The following SMYD3 variants were observed in gnomAD, a reference collection of about 807,000 sequenced individuals.
SMYD3 encodes the protein SET and MYND domain containing 3, also known as histone-lysine N-methyltransferase SMYD3.
SMYD3 carries 36 observed loss-of-function variants against 57.7 expected under a neutral mutation model. The observed-to-expected ratio is 0.62, with a 90% CI of 0.48 to 0.82. SMYD3 has a LOEUF of 0.82. SMYD3 is among the 40% of genes least tolerant of loss of function. The pLI, the probability that SMYD3 is intolerant of heterozygous loss-of-function variation, is 0.00. For synonymous variants in SMYD3, 211 were observed against 195.0 expected, an observed-to-expected ratio of 1.08 and a Z score of -0.68; for missense variants, 515 against 538.8, an observed-to-expected ratio of 0.96 and a Z score of 0.44.
intron 5 of SMYD3, among the ~76,000 whole-genome samples, chr1:246,208,895 T>C (rs2063042204): frequency 6.6e-6 from 1 of 152,166 alleles, no homozygotes; most frequent in Admixed American, 6.5e-5. Flanking sequence ...CACTCAAGCA[T>C]AATTCATTTT....
At chr1:245,838,375 G>T (rs2050207265) in intron 10 of SMYD3, among the ~76,000 whole-genome samples, 2 of 152,192 alleles carry the variant, frequency 1.3e-5, no homozygotes, top group Admixed American at 1.3e-4. Context: ...TCAGTTGGAA[G>T]CCACACCTTC....
chr1:246,112,185 T>C (rs1228034263), intron 5 of SMYD3, among the ~76,000 whole-genome samples: 1 of 152,208 alleles, frequency 6.6e-6, no homozygotes, highest in Non-Finnish European at 1.5e-5. Context: ...GAAGGCTGTA[T>C]TGCATATTGT....
chr1:245,888,830 T>A lies in SMYD3; in HGVS notation c.814-24944A>T, dbSNP rs191764418. Among the ~76,000 whole-genome samples, 193 of 152,286 alleles carry A rather than the reference T, an allele frequency of 1.3e-3. 1 individual carries two copies. Among genetic ancestry groups the A allele is most frequent in the African/African-American group, 4.2e-3 (176 of 41,568 alleles). On this transcript the variant is annotated intron_variant, in intron 8 of 11. Coordinates refer to ENST00000490107, the MANE Select transcript of SMYD3 (RefSeq NM_001167740.2). ...AGTGAAGAAATGCATGTGTTCTACA[T>A]CAACCATGTCTACCTGAAGCCCAAC...
intron 1 of SMYD3, among the ~76,000 whole-genome samples, chr1:246,387,604 C>T (rs554407340): frequency 1.4e-4 from 22 of 152,218 alleles, no homozygotes; most frequent in Non-Finnish European, 1.3e-4. Context: ...AGGATATTAC[C>T]AGAACACAGA....
At position 245,927,912 on chromosome 1, in the gene SMYD3, G is replaced by C; in HGVS notation, c.702+19C>G. 6.3e-7 allele frequency: 1 copy of C among 1,596,170 alleles called. No individual in the cohort carries two copies. Among genetic ancestry groups the C allele is most frequent in the Non-Finnish European group, 8.6e-7 (1 of 1,167,566 alleles). On this transcript the variant is annotated intron_variant, in intron 7 of 11. Coordinates refer to ENST00000490107, the MANE Select transcript of SMYD3 (RefSeq NM_001167740.2). ...TTGATAGGAAAGAAGGCCAGGCTGG[G>C]AAGCATGAGTTTCCTTACCTCCTCT...
chr1:245,795,803 C>CCT (rs1377815696), intron 10 of SMYD3, among the ~76,000 whole-genome samples: 2 of 152,158 alleles, frequency 1.3e-5, no homozygotes, highest in African/African-American at 2.4e-5. Flanking sequence ...GCTCTTGTCC[C>CCT]CTCTCTCCCT....
chr1:245,858,193 G>A (rs1287539823), intron 10 of SMYD3, among the ~76,000 whole-genome samples: 1 of 152,114 alleles, frequency 6.6e-6, no homozygotes, highest in African/African-American at 2.4e-5. Context: ...CCCTGAGCCC[G>A]TCTTTGTCAC....
chr1:245,876,907 A>T (rs538702214), intron 8 of SMYD3, among the ~76,000 whole-genome samples: 3 of 152,070 alleles, frequency 2.0e-5, no homozygotes, highest in African/African-American at 7.2e-5. Flanking sequence ...GGAGAAGAGG[A>T]TGCATGAGTG....
chr1:245,785,687 AAG>A (rs929417966), intron 10 of SMYD3, among the ~76,000 whole-genome samples: 2 of 150,304 alleles, frequency 1.3e-5, no homozygotes, highest in African/African-American at 2.5e-5. Flanking sequence ...GAAAGCGAGC[AAG>A]AGAGAGAGCA....
At chr1:246,230,622 G>A (rs1000468703) in intron 5 of SMYD3, among the ~76,000 whole-genome samples, 1 of 152,178 alleles carries the variant, frequency 6.6e-6, no homozygotes, top group African/African-American at 2.4e-5. Flanking sequence ...GTCAGAACTA[G>A]CTTGTTGGAC....
chr1:246,049,852 A>G (rs2060037091), intron 5 of SMYD3, among the ~76,000 whole-genome samples: 1 of 152,194 alleles, frequency 6.6e-6, no homozygotes. Context: ...GCACTGCATA[A>G]CCCATCTCAA....
At chr1:245,869,631 G>T (rs2052066565) in intron 8 of SMYD3, among the ~76,000 whole-genome samples, 1 of 152,296 alleles carries the variant, frequency 6.6e-6, no homozygotes, top group South Asian at 2.1e-4. Flanking sequence ...AGTCTCATTT[G>T]TCCATTCTCT....
intron 5 of SMYD3, among the ~76,000 whole-genome samples, chr1:246,278,403 T>G (rs994196664): frequency 6.6e-6 from 1 of 152,196 alleles, no homozygotes; most frequent in Admixed American, 6.5e-5. Flanking sequence ...GGCAAAGGTA[T>G]ATGTCACTCC....
Position 246,164,681 on chromosome 1 carries a change from G to A in SMYD3, c.531+162520C>T, listed in dbSNP as rs532823501. On this transcript the variant is annotated intron_variant, in intron 5 of 11. Transcript: ENST00000490107. ...CTTGTTTTTTGCTCATACTGGATAC[G>A]TGTGCCACGTGCCAGGCACACAGTC... Among the ~76,000 whole-genome samples the A allele has an allele frequency of 4.5e-4, 69 of 152,304 alleles. 1 individual carries two copies. Among genetic ancestry groups the A allele is most frequent in the African/African-American group, 1.5e-3 (64 of 41,566 alleles).
At chr1:246,212,585 C>CA (rs35077215) in intron 5 of SMYD3, among the ~76,000 whole-genome samples, 26,933 of 151,810 alleles carry the variant, frequency 0.18, 2,770 homozygotes, top group East Asian at 0.34. Context: ...ATTTGGTCAC[C>CA]GAAAAATGTC....
intron 5 of SMYD3, chr1:246,034,375 A>T (rs1346565229): frequency 6.6e-6 from 1 of 152,230 alleles, no homozygotes; most frequent in Non-Finnish European, 1.5e-5. Flanking sequence ...TCCATCAAAA[A>T]ATATGACCAG....
Position 246,412,905 on chromosome 1 carries a change from T to C in SMYD3, c.165-57811A>G, listed in dbSNP as rs188647311. Reference sequence around the variant, plus strand: ...TGGGAAGAAAGGGAGAAGAGATTAATATAGTAGCAGTTTTTAAATGTTGGT... The same window carrying C: ...TGGGAAGAAAGGGAGAAGAGATTAACATAGTAGCAGTTTTTAAATGTTGGT... On this transcript the variant is annotated intron_variant, in intron 1 of 11. Coordinates refer to ENST00000490107, the MANE Select transcript of SMYD3 (RefSeq NM_001167740.2). Among the ~76,000 whole-genome samples, 871 of 149,830 alleles carry C rather than the reference T, an allele frequency of 5.8e-3. 9 individuals carry two copies. The highest frequency in any genetic ancestry group is 5.5e-3 in the Non-Finnish European group (372 of 67,516).
At chr1:246,010,951 T>C (rs939328757) in intron 5 of SMYD3, among the ~76,000 whole-genome samples, 1 of 152,212 alleles carries the variant, frequency 6.6e-6, no homozygotes, top group African/African-American at 2.4e-5. Flanking sequence ...AGGAAGGACA[T>C]ATAACATGCT....
chr1:245,790,159 A>G (rs949627910), intron 10 of SMYD3, among the ~76,000 whole-genome samples: 1 of 152,220 alleles, frequency 6.6e-6, no homozygotes, highest in Non-Finnish European at 1.5e-5. Context: ...GTCAGGAAAA[A>G]CTTAGAAGAG....
Sources: gnomAD v4.1 joint callset for allele counts (sites outside exome capture counted in the v4.1 genomes callset) on GRCh38, gnomAD v4.1.1 for gene constraint, MANE v1.5 for transcripts, NCBI Gene and HGNC (gene_info 2026-07-23, HGNC 2026-07-21) for gene names.